CYB5RL: variants seen among roughly 807,000 people sequenced by gnomAD.
CYB5RL encodes the protein NADH-cytochrome b5 reductase-like.
Under a neutral mutation model 37.5 loss-of-function variants are expected in CYB5RL, and 38 were observed. That is an observed-to-expected ratio of 1.01 (90% CI 0.78 to 1.33). CYB5RL has a LOEUF of 1.33. CYB5RL is among the 40% of genes most tolerant of loss of function. CYB5RL has a pLI of 0.00. For missense variants in CYB5RL, 388 were observed against 394.4 expected (o/e 0.98, Z 0.14); for synonymous variants, 141 against 151.9 (o/e 0.93, Z 0.53).
At position 54,174,480 on chromosome 1, in the gene CYB5RL, T is replaced by C; in HGVS notation, c.*139A>G. 1 of 941,348 alleles carries C rather than the reference T, an allele frequency of 1.1e-6. No individual in the cohort carries two copies. The highest frequency in any genetic ancestry group is 1.6e-6 in the Non-Finnish European group (1 of 612,120). The allele number at this position is 941,348 out of a possible 1,614,324, so 58.3% of individuals were successfully genotyped here. A position where few individuals can be genotyped will look rare whatever the true frequency, so the allele number is the denominator to read the frequency against. On this transcript the variant is annotated 3_prime_UTR_variant, in exon 8 of 8. Coordinates refer to ENST00000534324, the MANE Select transcript of CYB5RL (RefSeq NM_001031672.4). Reference sequence around the variant, plus strand: ...GATGAGAAGTAGAGGTTCTGAGCAGTAAAGACACTTGCCCAAGGTCACCTG... The same window carrying C: ...GATGAGAAGTAGAGGTTCTGAGCAGCAAAGACACTTGCCCAAGGTCACCTG...
rs113458500 is a variant in CYB5RL at position 54,171,114 on chromosome 1, G to A, written c.*3505C>T. The A allele has an allele frequency of 4.0e-3, 1,816 of 455,888 alleles. 28 individuals carry two copies. The highest frequency in any genetic ancestry group is 0.033 in the African/African-American group (1,653 of 50,134). 28.2% of individuals were successfully genotyped at this position (455,888 alleles called of 1,614,324 possible). ...GCTCACTGACCAAGCTGGAGTGGAA[G>A]AGACAGGCGAGGCTCCCGGGAGGAA... On this transcript the variant is annotated 3_prime_UTR_variant, in exon 8 of 8. Transcript: ENST00000534324.
chr1:54,188,391 G>A (rs961785001), intron 4 of CYB5RL, among the ~76,000 whole-genome samples: 7 of 152,062 alleles, frequency 4.6e-5, no homozygotes, highest in African/African-American at 1.7e-4. Flanking sequence ...ACCTCTTCCC[G>A]ACCACAGAGT....
rs1659914141 is a variant in CYB5RL at position 54,172,357 on chromosome 1, T to TTTTTTTAAA, written c.*2261_*2262insTTTAAAAAA. The TTTTTTTAAA allele has an allele frequency of 6.8e-6, 1 of 147,430 alleles. No individual in the cohort carries two copies. The highest frequency in any genetic ancestry group is 1.5e-5 in the Non-Finnish European group (1 of 66,706). 9.1% of individuals were successfully genotyped at this position (147,430 alleles called of 1,614,324 possible). ...AATCTTTTTTTTTTTTTTTTTTTTG[T>TTTTTTTAAA]AGAGACAGGGTTTTGTCATGTTGGC... On this transcript the variant is annotated 3_prime_UTR_variant, in exon 8 of 8. Transcript: ENST00000534324.
At chr1:54,177,429 T>G (rs1010969385) in intron 7 of CYB5RL, among the ~76,000 whole-genome samples, 2 of 152,146 alleles carry the variant, frequency 1.3e-5, no homozygotes, top group African/African-American at 4.8e-5. Flanking sequence ...TGGTGAACTT[T>G]AACGGAAATG....
chr1:54,171,528 G>A lies in CYB5RL; in HGVS notation c.*3091C>T. 1 of 423,326 alleles carries A rather than the reference G, an allele frequency of 2.4e-6. No homozygotes were observed. The highest frequency in any genetic ancestry group is 1.7e-5 in the South Asian group (1 of 59,854). The allele number at this position is 423,326 out of a possible 1,614,324, so 26.2% of individuals were successfully genotyped here. A position where few individuals can be genotyped will look rare whatever the true frequency, so the allele number is the denominator to read the frequency against. On this transcript the variant is annotated 3_prime_UTR_variant, in exon 8 of 8. Transcript: ENST00000534324. ...TGGTGAGGGCTGAACTAAAGCCAAT[G>A]CCGCTTCTGCGACCAAGAATCTGTC... is the stretch of plus-strand genomic sequence containing the variant.
intron 3 of CYB5RL, among the ~76,000 whole-genome samples, chr1:54,194,937 A>G (rs1643992713): frequency 6.6e-6 from 1 of 152,234 alleles, no homozygotes; most frequent in South Asian, 2.1e-4. Flanking sequence ...CTTAGTCCAG[A>G]CTATGAAGTC....
At chr1:54,175,737 T>A (rs1475223645) in intron 7 of CYB5RL, 2 of 391,224 alleles carry the variant, frequency 5.1e-6, no homozygotes, top group Non-Finnish European at 1.0e-5. Flanking sequence ...AAATACAGTA[T>A]AAGAGCTATT....
Position 54,171,458 on chromosome 1 carries a change from G to A in CYB5RL, c.*3161C>T, listed in dbSNP as rs1398084855. ...CGTGGAGGTGGCATGGAGACTGGGA[G>A]CTGGGAGACCCATGAGGGGAACACA... is the stretch of plus-strand genomic sequence containing the variant. On this transcript the variant is annotated 3_prime_UTR_variant, in exon 8 of 8. Transcript: ENST00000534324. The A allele has an allele frequency of 2.2e-6, 1 of 456,084 alleles. No individual in the cohort carries two copies. The highest frequency in any genetic ancestry group is 4.4e-6 in the Non-Finnish European group (1 of 226,706). 28.3% of individuals were successfully genotyped at this position (456,084 alleles called of 1,614,324 possible).
At chr1:54,176,636 C>T (rs546105118) in intron 7 of CYB5RL, among the ~76,000 whole-genome samples, 2 of 152,360 alleles carry the variant, frequency 1.3e-5, no homozygotes, top group African/African-American at 4.8e-5. Context: ...CCACTATGGT[C>T]TGACCCACCA....
Position 54,187,669 on chromosome 1 carries a change from A to T in CYB5RL, c.418T>A (p.Phe140Ile). Residue 140 changes from phenylalanine to isoleucine, a missense_variant, in exon 5 of 8, where the codon TTT (phenylalanine) becomes ATT (isoleucine). By Grantham distance (21) the Phe-to-Ile change is conservative. Coordinates refer to ENST00000534324, the MANE Select transcript of CYB5RL (RefSeq NM_001031672.4). ...PISPANAEGY[F>I]EVLIKCYQMG... ...CAACTCACCTTAATTAACACTTCAA[A>T]GTATCCTTCTGCGTTGGCAGGGCTG... 1 of 1,613,962 alleles carries T rather than the reference A, an allele frequency of 6.2e-7. No homozygotes were observed. The highest frequency in any genetic ancestry group is 8.5e-7 in the Non-Finnish European group (1 of 1,179,888).
chr1:54,197,012 C>T (rs1250114066), intron 1 of CYB5RL, among the ~76,000 whole-genome samples: 1 of 152,096 alleles, frequency 6.6e-6, no homozygotes, highest in Non-Finnish European at 1.5e-5. Context: ...TCCAACCCCT[C>T]GGATCTGGCT....
At chr1:54,188,404 T>TA (rs1643921742) in intron 4 of CYB5RL, among the ~76,000 whole-genome samples, 1 of 152,162 alleles carries the variant, frequency 6.6e-6, no homozygotes, top group African/African-American at 2.4e-5. Context: ...CACAGAGTGA[T>TA]AAAGACTAAA....
chr1:54,175,569 G>T (rs1659999932), intron 7 of CYB5RL: 1 of 341,706 alleles, frequency 2.9e-6, no homozygotes, highest in South Asian at 2.2e-5. Flanking sequence ...CATTTTATTG[G>T]AGTACAACAT....
At position 54,174,734 on chromosome 1, in the gene CYB5RL, C is replaced by T; in HGVS notation, c.833G>A (p.Ser278Asn). 5 of 1,614,044 alleles carry T rather than the reference C, an allele frequency of 3.1e-6. No individual in the cohort carries two copies. Among genetic ancestry groups the T allele is most frequent in the Non-Finnish European group, 4.2e-6 (5 of 1,179,902 alleles). The change falls in exon 8 of 8, where the codon AGC becomes AAC. Residue 278 changes from serine to asparagine, a missense_variant. By Grantham distance (46) the Ser-to-Asn change is conservative. Transcript: ENST00000534324. ...LGQDLIKELV[S>N]CCRRKPFALV... is the part of the protein sequence containing the mutation. ...TGCGAATGGCTTTCTCCGACAGCAG[C>T]TGACCAGCTCTTTAATTAGGTCCTG...
intron 7 of CYB5RL, among the ~76,000 whole-genome samples, chr1:54,178,004 AAC>A (rs753699876): frequency 1.3e-5 from 2 of 152,312 alleles, no homozygotes; most frequent in East Asian, 1.9e-4. Context: ...GCTGCTGGGC[AAC>A]AGTGGCCCAT....
intron 6 of CYB5RL, 111 bp from the exon 7 acceptor site, chr1:54,179,463 C>A (rs556869820): frequency 9.1e-7 from 1 of 1,099,622 alleles, no homozygotes; most frequent in South Asian, 1.5e-5. Context: ...CAGTGCCCTT[C>A]CTTGGTGTCC....
At position 54,169,669 on chromosome 1, in the gene CYB5RL, A is replaced by G. The variant is rs1001085405; in HGVS notation, c.*4950T>C. ...CATTGGATTTTTTTTTAAATGTTTA[A>G]TTATGGAACTATTTGAAAAACAGAA... On this transcript the variant is annotated 3_prime_UTR_variant, in exon 8 of 8. Transcript: ENST00000534324. 1 of 152,210 alleles carries G rather than the reference A, an allele frequency of 6.6e-6. No homozygotes were observed. Among genetic ancestry groups the G allele is most frequent in the African/African-American group, 2.4e-5 (1 of 41,440 alleles). 9.4% of individuals were successfully genotyped at this position (152,210 alleles called of 1,614,324 possible). A position where few individuals can be genotyped will look rare whatever the true frequency, so the allele number is the denominator to read the frequency against.
Position 54,170,931 on chromosome 1 carries a change from A to G in CYB5RL, c.*3688T>C, listed in dbSNP as rs1659876208. The G allele has an allele frequency of 5.8e-6, 2 of 343,350 alleles. No individual in the cohort carries two copies. Among genetic ancestry groups the G allele is most frequent in the African/African-American group, 4.3e-5 (2 of 46,578 alleles). The allele number at this position is 343,350 out of a possible 1,614,324, so 21.3% of individuals were successfully genotyped here. A position where few individuals can be genotyped will look rare whatever the true frequency, so the allele number is the denominator to read the frequency against. On this transcript the variant is annotated 3_prime_UTR_variant, in exon 8 of 8. Coordinates refer to ENST00000534324, the MANE Select transcript of CYB5RL (RefSeq NM_001031672.4). Reference sequence around the variant, plus strand: ...AGAGGAAACACCTTTTGCCACCTGGAAAGCACTTCCTGAACATTAGTTGTT... The same window carrying G: ...AGAGGAAACACCTTTTGCCACCTGGGAAGCACTTCCTGAACATTAGTTGTT...
chr1:54,187,624 C>T (rs897699213), intron 5 of CYB5RL, 28 bp downstream of exon 5: 1 of 1,608,352 alleles, frequency 6.2e-7, no homozygotes, highest in Admixed American at 1.7e-5. Context: ...TCCACGGCAT[C>T]TTGGAGCATC....
Sources: gnomAD v4.1 joint callset for allele counts (sites outside exome capture counted in the v4.1 genomes callset) on GRCh38, gnomAD v4.1.1 for gene constraint, MANE v1.5 for transcripts, NCBI Gene and HGNC (gene_info 2026-07-23, HGNC 2026-07-21) for gene names.